ABCB9: variants seen among roughly 807,000 people sequenced by gnomAD.
ABCB9 encodes ATP binding cassette subfamily B member 9.
Under a neutral mutation model 62.0 loss-of-function variants are expected in ABCB9, and 36 were observed. The observed-to-expected ratio is 0.58, with a 90% CI of 0.45 to 0.77. The LOEUF is 0.77. Among genes scored for constraint, ABCB9 ranks in the 30% least tolerant of loss-of-function variants. The pLI is 0.00. For synonymous variants in ABCB9, 435 were observed against 461.4 expected (o/e 0.94, Z 0.73); for missense variants, 943 against 1,054.7 (o/e 0.89, Z 1.47).
At chr12:122,934,640 C>CA (rs371538708) in intron 10 of ABCB9, among the ~76,000 whole-genome samples, 10,020 of 87,800 alleles carry the variant, frequency 0.11, 373 homozygotes, top group East Asian at 0.25. Context: ...GCCCCTGCCT[C>CA]AAAAAAAAAA....
In ABCB9 at chr12:122,949,784, C is replaced by T. The variant is rs748225193; in HGVS notation, c.847+4G>A. On this transcript the variant is annotated splice_donor_region_variant and intron_variant, in intron 4 of 11. Transcript: ENST00000280560. The stretch of plus-strand genomic sequence containing the variant: ...AGGACACCTAGGGCACTGGAAGGAC[C>T]AACCTGTGCGGTTCTCATCAAAGAA... 6.8e-6 allele frequency: 11 copies of T among 1,613,942 alleles called. No individual in the cohort carries two copies. In the South Asian group the frequency reaches 1.1e-4, roughly 16 times the overall value.
chr12:122,923,743 T>C (rs1265567700), intron 11 of ABCB9, among the ~76,000 whole-genome samples: 1 of 152,228 alleles, frequency 6.6e-6, no homozygotes, highest in Non-Finnish European at 1.5e-5. Context: ...GGTATTTTTC[T>C]GAGGAGAGTT....
rs754788374 is a variant in ABCB9, at chr12:122,957,664, C to CT, written c.601+1970dup. ...GCACACACAACTAAAATATTAATAT[C>CT]TTTTTTTTTTTTTTTTGGTCTCAAA... On this transcript the variant is annotated intron_variant, in intron 2 of 11. Coordinates refer to ENST00000280560, the MANE Select transcript of ABCB9 (RefSeq NM_019625.4). 1.7e-3 allele frequency among the ~76,000 whole-genome samples: 194 copies of CT among 113,970 alleles called. 2 individuals are homozygous for CT. The highest frequency in any genetic ancestry group is 3.9e-3 in the African/African-American group (122 of 31,216). The allele number at this position is 113,970 out of a possible 152,430, so 74.8% of individuals were successfully genotyped here. A position where few individuals can be genotyped will look rare whatever the true frequency, so the allele number is the denominator to read the frequency against.
intron 2 of ABCB9, among the ~76,000 whole-genome samples, chr12:122,954,080 G>C (rs1007398689): frequency 1.3e-5 from 2 of 151,348 alleles, no homozygotes; most frequent in African/African-American, 4.9e-5. Flanking sequence ...GAGGTGGGAG[G>C]ATCACTTGAG....
At chr12:122,957,790 TTCTAG>T (rs978086683) in intron 2 of ABCB9, among the ~76,000 whole-genome samples, 4 of 151,148 alleles carry the variant, frequency 2.6e-5, no homozygotes, top group Admixed American at 2.6e-4. Context: ...CTCTGATGTT[TTCTAG>T]TCTATTCTCT....
At position 122,944,869 on chromosome 12, in the gene ABCB9, T is replaced by G. The variant is rs973539752; in HGVS notation, c.1252-350A>C. On this transcript the variant is annotated intron_variant, in intron 6 of 11. Transcript: ENST00000280560. This position sits in a 1 kb window ranked among gnomAD's most constrained non-coding sequence, Gnocchi z 4.9. ...AAGAGCATGACTCAGAGAGGGCAAG[T>G]GCCCTGGCTAAGGTCACACAGTGAG... Among the ~76,000 whole-genome samples, 1 of 152,212 alleles carries G rather than the reference T, an allele frequency of 6.6e-6. No homozygotes were observed. The highest frequency in any genetic ancestry group is 2.4e-5 in the African/African-American group (1 of 41,464).
Position 122,945,487 on chromosome 12 carries a change from C to T in ABCB9, c.1251+538G>A, listed in dbSNP as rs531773136. On this transcript the variant is annotated intron_variant, in intron 6 of 11. Coordinates refer to ENST00000280560, the MANE Select transcript of ABCB9 (RefSeq NM_019625.4). ...AAAGTGGCCTAGGGACCTGCTGACT[C>T]CCCACCTCAGCAAGGATGTTTCCCC... Among the ~76,000 whole-genome samples, 8 of 152,238 alleles carry T rather than the reference C, an allele frequency of 5.3e-5. No homozygotes were observed. The South Asian group carries it at 1.5e-3, about 28-fold the overall frequency.
chr12:122,945,865 G>C (rs1228957045), intron 6 of ABCB9, among the ~76,000 whole-genome samples, 160 bp downstream of exon 6: 1 of 141,212 alleles, frequency 7.1e-6, no homozygotes, highest in African/African-American at 2.8e-5. Context: ...GTGACAGAGT[G>C]AGGCTCTGTC....
chr12:122,959,835 C>A lies in ABCB9; in HGVS notation c.401G>T (p.Trp134Leu). 1 of 1,613,160 alleles carries A rather than the reference C, an allele frequency of 6.2e-7. No individual in the cohort carries two copies. The highest frequency in any genetic ancestry group is 8.5e-7 in the Non-Finnish European group (1 of 1,179,784). ...TGGCCGCACGGTGGACAGCAGCCAC[C>A]AGAGCAGGAAGGATGCGCCGAGTGA... ...YISLGASFLLWWLLSTVRPGT... is the reference protein window; with the variant it reads ...YISLGASFLLLWLLSTVRPGT... The change falls in exon 2 of 12, where the codon TGG becomes TTG. Residue 134 changes from tryptophan (W) to leucine (L), a missense_variant. Transcript: ENST00000280560. This position sits in a 1 kb window ranked among gnomAD's most constrained non-coding sequence, Gnocchi z 5.4.
chr12:122,936,159 T>A (rs1362192592), intron 9 of ABCB9, among the ~76,000 whole-genome samples: 3 of 152,208 alleles, frequency 2.0e-5, no homozygotes, highest in African/African-American at 7.2e-5. Context: ...TAAATGGGGA[T>A]TGGTTAAATA....
chr12:122,924,955 C>CTCAAA, downstream of ABCB9: 1 of 861,086 alleles, frequency 1.2e-6, no homozygotes, highest in Non-Finnish European at 1.8e-6. Flanking sequence ...CTCACTCTGT[C>CTCAAA]ACCCAGGCTG....
chr12:122,975,064 G>GC, exon 1 of ABCB9: 1 of 468,376 alleles, frequency 2.1e-6, no homozygotes, highest in East Asian at 3.2e-5. Flanking sequence ...GAACGAGGAG[G>GC]CCGCCGGTCC....
chr12:122,941,127 AC>A, intron 7 of ABCB9, 132 bp from the exon 8 acceptor site: 2 of 903,698 alleles, frequency 2.2e-6, no homozygotes, highest in Non-Finnish European at 3.3e-6. Flanking sequence ...CCACCTGACC[AC>A]CCACTGGTGC....
chr12:122,941,061 TAG>T lies in ABCB9; in HGVS notation c.1381-68_1381-67del, dbSNP rs2135808437. On this transcript the variant is annotated intron_variant, in intron 7 of 11. Transcript: ENST00000280560. ...GACTCCTGGGACCCACCCCTGCTAC[TAG>T]AGAGGAGGCAGGTATAGGGAAAGCA... The T allele has an allele frequency of 2.7e-6, 4 of 1,476,418 alleles. No individual in the cohort carries two copies. In the South Asian group the frequency reaches 5.3e-5, roughly 20 times the overall value. 91.5% of individuals were successfully genotyped at this position (1,476,418 alleles called of 1,614,324 possible).
chr12:122,942,182 T>C (rs1170734053), intron 7 of ABCB9, among the ~76,000 whole-genome samples: 1 of 152,152 alleles, frequency 6.6e-6, no homozygotes, highest in Non-Finnish European at 1.5e-5. Flanking sequence ...ATCTGTCTCC[T>C]GAGTTCAGGC....
intron 6 of ABCB9, among the ~76,000 whole-genome samples, chr12:122,945,739 A>T (rs2035998681): frequency 6.6e-6 from 1 of 152,032 alleles, no homozygotes; most frequent in Non-Finnish European, 1.5e-5. Context: ...TTAGCCAGGC[A>T]TGGTGGCGGG....
chr12:122,939,839 C>A (rs1391372364), intron 9 of ABCB9: 3 of 349,740 alleles, frequency 8.6e-6, no homozygotes, highest in Non-Finnish European at 1.5e-5. Flanking sequence ...CCCTTTTTTT[C>A]TTTTTTAATA....
chr12:122,928,108 C>T (rs1419320552), downstream of ABCB9, among the ~76,000 whole-genome samples: 2 of 152,008 alleles, frequency 1.3e-5, no homozygotes, highest in South Asian at 2.1e-4. Flanking sequence ...TGCAAAGGAC[C>T]GCTAGATGAG....
At chr12:122,946,309 AC>A (rs908078242) in intron 5 of ABCB9, 87 bp from the exon 6 acceptor site, 27 of 1,401,126 alleles carry the variant, frequency 1.9e-5, no homozygotes, top group African/African-American at 2.8e-5. Flanking sequence ...GGGTTTTTCC[AC>A]CCTTCGCTGG....
Sources: allele counts gnomAD v4.1 joint callset (sites outside exome capture counted in the v4.1 genomes callset), GRCh38; gene constraint gnomAD v4.1.1; non-coding constraint Gnocchi (gnomAD v3.1); transcripts MANE v1.5; gene names NCBI Gene and HGNC (gene_info 2026-07-23, HGNC 2026-07-21).